EXD3: variants seen among roughly 807,000 people sequenced by gnomAD.
EXD3 encodes the protein exonuclease mut-7 homolog.
A neutral mutation model predicts 98.0 loss-of-function variants in EXD3; 92 were observed. The observed-to-expected ratio is 0.94, with a 90% CI of 0.79 to 1.12. EXD3 has a LOEUF of 1.12. EXD3 is among the 50% of genes most tolerant of loss of function. The pLI is 0.00. For synonymous variants in EXD3, 569 were observed against 526.0 expected (o/e 1.08, Z -1.12); for missense variants, 1,222 against 1,191.6 (o/e 1.03, Z -0.38).
At position 137,307,171 on chromosome 9, in the gene EXD3, T is replaced by C; in HGVS notation, c.2410A>G (p.Met804Val). The C allele has an allele frequency of 6.3e-7, 1 of 1,588,414 alleles. No homozygotes were observed. ...TGCAGCCGGGTGCCGTCGGCCAGCA[T>C]GTCCGGTGTCTCCGCCCGCAGGTCA... ...MADLRAETPD[M>V]LADGTRLQLA... The change falls in exon 22 of 22, where the codon ATG becomes GTG. Residue 804 changes from methionine to valine, a missense_variant. Transcript: ENST00000340951.
intron 19 of EXD3, among the ~76,000 whole-genome samples, chr9:137,322,430 C>T (rs367642162): frequency 0.011 from 1,550 of 147,408 alleles, 3 homozygotes; most frequent in Non-Finnish European, 0.015. Context: ...GATGCTCTGC[C>T]GACACCTCAC....
At position 137,323,873 on chromosome 9, in the gene EXD3, C is replaced by G. The variant is rs61377937; in HGVS notation, c.2053-17G>C. 11 of 1,600,732 alleles carry G rather than the reference C, an allele frequency of 6.9e-6. No individual in the cohort carries two copies. Among genetic ancestry groups the G allele is most frequent in the Non-Finnish European group, 8.5e-6 (10 of 1,175,342 alleles). On this transcript the variant is annotated splice_polypyrimidine_tract_variant and intron_variant, in intron 18 of 21. Coordinates refer to ENST00000340951, the MANE Select transcript of EXD3 (RefSeq NM_017820.5). Reference sequence around the variant, plus strand: ...GGCCCGGAGCTGCAAAGACACGGCTCGGCTACTGAGGGGCAGTGCAGAGCC... The same window carrying G: ...GGCCCGGAGCTGCAAAGACACGGCTGGGCTACTGAGGGGCAGTGCAGAGCC...
At chr9:137,336,102 A>C (rs1264667246) in intron 17 of EXD3, among the ~76,000 whole-genome samples, 1 of 152,152 alleles carries the variant, frequency 6.6e-6, no homozygotes, top group Non-Finnish European at 1.5e-5. Context: ...ACACAAAGGC[A>C]TGCAGAGTGA....
chr9:137,339,290 T>C (rs1048508880), intron 17 of EXD3, among the ~76,000 whole-genome samples: 1 of 151,948 alleles, frequency 6.6e-6, no homozygotes, highest in Non-Finnish European at 1.5e-5. Flanking sequence ...TCCCAATGTA[T>C]TTATGAGGCC....
chr9:137,372,852 C>T (rs1243848159), intron 5 of EXD3, 53 bp downstream of exon 5: 13 of 1,576,750 alleles, frequency 8.2e-6, no homozygotes, highest in East Asian at 2.2e-5. Flanking sequence ...GCGTCCTTGC[C>T]CCACCGCCCG....
At chr9:137,344,134 G>A (rs1173903520) in intron 17 of EXD3, among the ~76,000 whole-genome samples, 4 of 151,506 alleles carry the variant, frequency 2.6e-5, no homozygotes, top group African/African-American at 7.3e-5. Flanking sequence ...CTGGTGATCC[G>A]CCCACCTCGG....
chr9:137,372,777 T>C, intron 5 of EXD3, 128 bp downstream of exon 5: 3 of 1,004,592 alleles, frequency 3.0e-6, no homozygotes, highest in East Asian at 5.3e-5. Flanking sequence ...GGCCGGGTCC[T>C]TGATACCTCC....
chr9:137,342,511 A>T (rs1833698980), intron 17 of EXD3, among the ~76,000 whole-genome samples: 1 of 152,168 alleles, frequency 6.6e-6, no homozygotes, highest in Non-Finnish European at 1.5e-5. Context: ...TGAGAAGTTC[A>T]TTAGGGACTC....
intron 19 of EXD3, among the ~76,000 whole-genome samples, chr9:137,322,435 C>T (rs1230775001): frequency 2.7e-5 from 4 of 148,056 alleles, no homozygotes; most frequent in East Asian, 2.0e-4. Flanking sequence ...TCTGCCGACA[C>T]CTCACCCCGG....
In EXD3 at chr9:137,385,292, G is replaced by A. The variant is rs1836530513; in HGVS notation, c.56-1915C>T. 6.6e-6 allele frequency among the ~76,000 whole-genome samples: 1 copy of A among 152,146 alleles called. No homozygotes were observed. Among genetic ancestry groups the A allele is most frequent in the Admixed American group, 6.5e-5 (1 of 15,288 alleles). On this transcript the variant is annotated intron_variant, in intron 2 of 21. Transcript: ENST00000340951. This position sits in a 1 kb window ranked among gnomAD's most constrained non-coding sequence, Gnocchi z 4.4. The stretch of plus-strand genomic sequence containing the variant: ...GTAGGAGGACGGAGCAAGTGCATCA[G>A]CCCCGGGACGATGCCCAGGTGGGGA...
At chr9:137,334,265 G>C (rs1450480420) in intron 17 of EXD3, among the ~76,000 whole-genome samples, 2 of 152,208 alleles carry the variant, frequency 1.3e-5, no homozygotes, top group African/African-American at 4.8e-5. Flanking sequence ...GCCTCTCAAA[G>C]TCCTGGGATT....
chr9:137,351,395 G>GGCT lies in EXD3; in HGVS notation c.1304_1306dup (p.Gln435dup). The GGCT allele has an allele frequency of 6.2e-7, 1 of 1,610,488 alleles. No individual in the cohort carries two copies. Among genetic ancestry groups the GGCT allele is most frequent in the Non-Finnish European group, 8.5e-7 (1 of 1,179,184 alleles). Reference sequence around the variant, plus strand: ...GGCCTGGGCTCCCTGCCCTGTTGGTGGCTGCGAGAGTGCCAGGACGTCCAG... The same window carrying GGCT: ...GGCCTGGGCTCCCTGCCCTGTTGGTGGCTGCTGCGAGAGTGCCAGGACGTCCAG... On this transcript the variant is annotated inframe_insertion, in exon 13 of 22. Coordinates refer to ENST00000340951, the MANE Select transcript of EXD3 (RefSeq NM_017820.5).
At chr9:137,384,862 C>T (rs907122231) in intron 2 of EXD3, among the ~76,000 whole-genome samples, 1 of 152,156 alleles carries the variant, frequency 6.6e-6, no homozygotes, top group African/African-American at 2.4e-5. Flanking sequence ...GAGGCCGAGG[C>T]AGGTGGATCA....
At chr9:137,416,973 C>T (rs1024249358) in intron 1 of EXD3, among the ~76,000 whole-genome samples, 2 of 152,188 alleles carry the variant, frequency 1.3e-5, no homozygotes, top group East Asian at 1.9e-4. Context: ...GGCCAGAACA[C>T]GCCCAACTCC....
chr9:137,420,746 C>CCG (rs1554743374), intron 1 of EXD3, among the ~76,000 whole-genome samples: 2 of 147,890 alleles, frequency 1.4e-5, no homozygotes, highest in African/African-American at 2.5e-5. Flanking sequence ...CACCCCCCCC[C>CCG]CCAAATTCAT....
chr9:137,370,039 C>T (rs552507080), intron 5 of EXD3, among the ~76,000 whole-genome samples: 8 of 152,186 alleles, frequency 5.3e-5, no homozygotes, highest in South Asian at 2.1e-4. Flanking sequence ...GGGGACAGGA[C>T]GAGGATGGAG....
At chr9:137,422,309 G>T (rs1376333408) in intron 1 of EXD3, among the ~76,000 whole-genome samples, 1 of 152,084 alleles carries the variant, frequency 6.6e-6, no homozygotes, top group Admixed American at 6.6e-5. Flanking sequence ...ATTTATCTGA[G>T]GAATGTAAAG....
chr9:137,398,670 T>TC (rs1337180392), intron 1 of EXD3, among the ~76,000 whole-genome samples: 1 of 140,998 alleles, frequency 7.1e-6, no homozygotes, highest in East Asian at 2.1e-4. Flanking sequence ...GGCGACCGCG[T>TC]CCCCAAGACA....
intron 6 of EXD3, among the ~76,000 whole-genome samples, chr9:137,367,189 G>A (rs898587523): frequency 6.6e-6 from 1 of 152,006 alleles, no homozygotes; most frequent in African/African-American, 2.4e-5. Context: ...GCTGCCTGGC[G>A]CCGACTGCAT....
Sources: allele counts gnomAD v4.1 joint callset (sites outside exome capture counted in the v4.1 genomes callset), GRCh38; gene constraint gnomAD v4.1.1; non-coding constraint Gnocchi (gnomAD v3.1); transcripts MANE v1.5; gene names NCBI Gene and HGNC (gene_info 2026-07-23, HGNC 2026-07-21).